COG3: variants seen among roughly 807,000 people sequenced by gnomAD.
COG3 encodes the protein conserved oligomeric Golgi complex subunit 3.
A neutral mutation model predicts 114.1 loss-of-function variants in COG3; 32 were observed. The ratio of observed to expected loss-of-function variants is 0.28; its 90% CI spans 0.21 to 0.38. The LOEUF (loss-of-function observed/expected upper bound fraction) is 0.38, where lower values mean the gene tolerates loss of function less well. Ranked by LOEUF, COG3 falls within the 10% of genes least tolerant of loss-of-function variation. The pLI is 1.00. For synonymous variants in COG3, 352 were observed against 365.7 expected (o/e 0.96, Z 0.43); for missense variants, 813 against 973.2 (o/e 0.84, Z 2.19).
intron 1 of COG3, among the ~76,000 whole-genome samples, chr13:45,474,211 G>T (rs1359856193): frequency 7.0e-5 from 10 of 142,634 alleles, no homozygotes; most frequent in Non-Finnish European, 1.5e-4. Flanking sequence ...AGGCTGGAGT[G>T]CAGTGGCTCG....
chr13:45,510,975 G>A (rs993204226), intron 15 of COG3, among the ~76,000 whole-genome samples: 1 of 152,156 alleles, frequency 6.6e-6, no homozygotes, highest in Non-Finnish European at 1.5e-5. Context: ...ACATCAAGTT[G>A]GAGACCAGGG....
intron 1 of COG3, 136 bp from the exon 2 acceptor site, chr13:45,476,065 T>A (rs941903318): frequency 8.3e-5 from 63 of 757,770 alleles, no homozygotes; most frequent in Non-Finnish European, 6.6e-6. Flanking sequence ...TACTATATAG[T>A]ATTTATTAAC....
In COG3 at chr13:45,486,339, C is replaced by CGGGAGACGGGAGACGGGAGACGGAGA. The variant is rs1555295083; in HGVS notation, c.844-150_844-149insCGGGAGACGGGAGACGGAGAGGGAGA. ...GAGACGGGAGACGGGAGACGGGAGA[C>CGGGAGACGGGAGACGGGAGACGGAGA]GGGAGAGGGAGAGGGAGAGGGAGAG... On this transcript the variant is annotated intron_variant, in intron 7 of 22. Coordinates refer to ENST00000349995, the MANE Select transcript of COG3 (RefSeq NM_031431.4). Among the ~76,000 whole-genome samples the CGGGAGACGGGAGACGGGAGACGGAGA allele has an allele frequency of 7.7e-3, 423 of 55,238 alleles. 19 individuals are homozygous for CGGGAGACGGGAGACGGGAGACGGAGA. The highest frequency in any genetic ancestry group is 8.6e-3 in the Non-Finnish European group (282 of 32,782). 36.2% of individuals were successfully genotyped at this position (55,238 alleles called of 152,430 possible).
intron 8 of COG3, 77 bp from the exon 9 acceptor site, chr13:45,490,838 C>T (rs570575844): frequency 5.6e-6 from 4 of 717,276 alleles, no homozygotes; most frequent in Admixed American, 5.8e-5. Flanking sequence ...ATATGTGATA[C>T]AATTAATATT....
chr13:45,487,436 A>G (rs1886736911), intron 8 of COG3, among the ~76,000 whole-genome samples: 1 of 152,230 alleles, frequency 6.6e-6, no homozygotes, highest in South Asian at 2.1e-4. Flanking sequence ...AAGGAAAACA[A>G]TTACCAGAGT....
chr13:45,526,878 T>C (rs17066860), intron 20 of COG3, among the ~76,000 whole-genome samples: 5,180 of 152,306 alleles, frequency 0.034, 280 homozygotes, highest in African/African-American at 0.11. Context: ...GGCAGACTTA[T>C]CAGTTCACAA....
chr13:45,514,735 C>T (rs773775345), intron 16 of COG3, among the ~76,000 whole-genome samples: 2 of 152,008 alleles, frequency 1.3e-5, no homozygotes, highest in South Asian at 2.1e-4. Flanking sequence ...GCAAGCTCCG[C>T]CTCCCAGGTT....
At chr13:45,474,151 C>CTCTTTT (rs1380085026) in intron 1 of COG3, among the ~76,000 whole-genome samples, 2 of 82,014 alleles carry the variant, frequency 2.4e-5, no homozygotes, top group African/African-American at 9.9e-5. Context: ...CTTTTTTACT[C>CTCTTTT]TTTTTTTTTT....
intron 7 of COG3, among the ~76,000 whole-genome samples, chr13:45,484,428 T>C (rs1886439323): frequency 6.6e-6 from 1 of 152,114 alleles, no homozygotes. Flanking sequence ...AATGTGAATC[T>C]CAATTCAGAT....
intron 13 of COG3, among the ~76,000 whole-genome samples, chr13:45,501,415 A>G (rs972814883): frequency 5.9e-5 from 9 of 152,230 alleles, no homozygotes; most frequent in African/African-American, 1.9e-4. Context: ...TTTGGGTTAT[A>G]GTTCACTGGT....
chr13:45,508,425 CAT>C (rs201679161), intron 14 of COG3, among the ~76,000 whole-genome samples: 43,811 of 115,010 alleles, frequency 0.38, 7,655 homozygotes, highest in Admixed American at 0.47. Flanking sequence ...CACACACACA[CAT>C]ACACATATAT....
intron 3 of COG3, 56 bp downstream of exon 3, chr13:45,479,122 G>T: frequency 8.1e-7 from 1 of 1,238,338 alleles, no homozygotes. Context: ...ACAGTCATCT[G>T]AAGCATTTCA....
intron 17 of COG3, among the ~76,000 whole-genome samples, chr13:45,517,909 T>C (rs1871712707): frequency 6.6e-6 from 1 of 152,194 alleles, no homozygotes; most frequent in South Asian, 2.1e-4. Context: ...TGTGTTTTCC[T>C]CCAAATATTA....
chr13:45,484,823 A>T (rs1159969565), intron 7 of COG3, among the ~76,000 whole-genome samples: 1 of 146,180 alleles, frequency 6.8e-6, no homozygotes, highest in African/African-American at 2.6e-5. Context: ...TGCTGCCTTC[A>T]AGCATCTGTT....
At chr13:45,529,266 T>C (rs984494717) in intron 20 of COG3, among the ~76,000 whole-genome samples, 2 of 152,206 alleles carry the variant, frequency 1.3e-5, no homozygotes, top group African/African-American at 4.8e-5. Flanking sequence ...TTCATAGTTA[T>C]TTTTGTTATA....
At chr13:45,509,119 A>AACCTCCGGCTCCCAGGTTCAAGC (rs1870567225) in intron 14 of COG3, among the ~76,000 whole-genome samples, 1 of 151,036 alleles carries the variant, frequency 6.6e-6, no homozygotes, top group South Asian at 2.1e-4. Flanking sequence ...GGCTCACTGT[A>AACCTCCGGCTCCCAGGTTCAAGC]ACCTCCGGCT....
intron 14 of COG3, among the ~76,000 whole-genome samples, chr13:45,508,801 C>T (rs143777121): frequency 9.9e-5 from 15 of 152,236 alleles, no homozygotes; most frequent in African/African-American, 2.2e-4. Context: ...TCCTCACAGT[C>T]GCCAGAGTCT....
Position 45,535,355 on chromosome 13 carries a change from A to G in COG3, c.*624A>G. 5.1e-6 allele frequency: 5 copies of G among 985,508 alleles called. No individual in the cohort carries two copies. Among genetic ancestry groups the G allele is most frequent in the Non-Finnish European group, 6.0e-6 (5 of 829,960 alleles). The allele number at this position is 985,508 out of a possible 1,614,324, so 61.0% of individuals were successfully genotyped here. ...ATACAAGGACTTTGTGTGAAGCTCC[A>G]GCATCTGTGCCCCTTGAATTGCTTA... On this transcript the variant is annotated 3_prime_UTR_variant, in exon 23 of 23. Coordinates refer to ENST00000349995, the MANE Select transcript of COG3 (RefSeq NM_031431.4).
intron 3 of COG3, among the ~76,000 whole-genome samples, 190 bp from the exon 4 acceptor site, chr13:45,479,935 G>C (rs1337572669): frequency 6.6e-6 from 1 of 152,172 alleles, no homozygotes; most frequent in Non-Finnish European, 1.5e-5. Context: ...TTAGTGATTT[G>C]CCTTCTTAAG....
Sources: gnomAD v4.1 joint callset for allele counts (sites outside exome capture counted in the v4.1 genomes callset) on GRCh38, gnomAD v4.1.1 for gene constraint, MANE v1.5 for transcripts, NCBI Gene and HGNC (gene_info 2026-07-23, HGNC 2026-07-21) for gene names.